The following COL19A1 variants were observed in gnomAD, a reference collection of about 807,000 sequenced individuals.
COL19A1 encodes the protein collagen alpha-1(XIX) chain.
COL19A1 carries 159 observed loss-of-function variants against 190.2 expected under a neutral mutation model. The observed-to-expected ratio is 0.84, with a 90% CI of 0.73 to 0.95. COL19A1 has a LOEUF of 0.95. COL19A1 is among the 40% of genes least tolerant of loss of function. The pLI is 0.00. For missense variants in COL19A1, 1,418 were observed against 1,431.9 expected (o/e 0.99, Z 0.16); for synonymous variants, 509 against 458.9 (o/e 1.11, Z -1.39).
intron 2 of COL19A1, among the ~76,000 whole-genome samples, chr6:69,896,101 T>G (rs1769716686): frequency 6.6e-6 from 1 of 152,128 alleles, no homozygotes; most frequent in Non-Finnish European, 1.5e-5. Flanking sequence ...GAAGAGGTTT[T>G]GTTGCTCCAC....
chr6:70,180,227 A>G lies in COL19A1; in HGVS notation c.2668-85A>G, dbSNP rs1051738965. 1.5e-5 allele frequency: 23 copies of G among 1,499,526 alleles called. 1 individual carries two copies. The African/African-American group carries it at 2.9e-4, about 19-fold the overall frequency. 92.9% of individuals were successfully genotyped at this position (1,499,526 alleles called of 1,614,324 possible). On this transcript the variant is annotated intron_variant, in intron 42 of 50. Transcript: ENST00000620364. ...AGCATCACCCTTGGGAGCACTATAAACTCAATTGGGGTTGGGGGAAGAGAA... is the reference window on the plus strand; with the variant it reads ...AGCATCACCCTTGGGAGCACTATAAGCTCAATTGGGGTTGGGGGAAGAGAA...
chr6:70,070,693 C>A (rs116925309), intron 15 of COL19A1, among the ~76,000 whole-genome samples: 75 of 152,184 alleles, frequency 4.9e-4, no homozygotes, highest in Non-Finnish European at 8.4e-4. Context: ...AACTGAGTGC[C>A]ACCATTTCTT....
At chr6:69,882,070 T>TAATTGAATATTG (rs1768597114) in intron 2 of COL19A1, among the ~76,000 whole-genome samples, 1 of 152,324 alleles carries the variant, frequency 6.6e-6, no homozygotes, top group East Asian at 1.9e-4. Context: ...AGTCTAGGGT[T>TAATTGAATATTG]TCAGGGCTGG....
intron 16 of COL19A1, among the ~76,000 whole-genome samples, chr6:70,116,747 G>A (rs2150206225): frequency 1.3e-5 from 2 of 152,074 alleles, no homozygotes; most frequent in South Asian, 4.1e-4. Flanking sequence ...TTAGTCCAAA[G>A]GACTTTCCAA....
intron 42 of COL19A1, among the ~76,000 whole-genome samples, chr6:70,177,793 T>A (rs1436665447): frequency 2.0e-5 from 3 of 152,218 alleles, no homozygotes; most frequent in African/African-American, 7.2e-5. Flanking sequence ...GTGATTTGAA[T>A]TTTTGTTTCC....
chr6:70,151,557 C>T, intron 31 of COL19A1, 119 bp downstream of exon 31: 2 of 861,146 alleles, frequency 2.3e-6, no homozygotes, highest in South Asian at 1.5e-5. Context: ...TTTTAAATGG[C>T]AGGACATCTT....
chr6:69,884,432 A>T (rs1470093737), intron 2 of COL19A1, among the ~76,000 whole-genome samples: 1 of 152,222 alleles, frequency 6.6e-6, no homozygotes, highest in Non-Finnish European at 1.5e-5. Flanking sequence ...TAGCAATACA[A>T]TAGGAGGTCA....
rs780786675 is a variant in COL19A1, at chr6:69,929,639, C to T, written c.605C>T (p.Thr202Ile). 2.5e-6 allele frequency: 4 copies of T among 1,613,798 alleles called. No individual in the cohort carries two copies. In the South Asian group the frequency reaches 3.3e-5, roughly 13 times the overall value. ...IARRQTDEKD[T>I]VDFHGRTVIA... ...AGGAGGCAGACTGATGAAAAGGACACTGTGGATTTCCATGGACGGACAGTT... is the reference window on the plus strand; with the variant it reads ...AGGAGGCAGACTGATGAAAAGGACATTGTGGATTTCCATGGACGGACAGTT... Residue 202 changes from threonine (T) to isoleucine (I), a missense_variant, in exon 6 of 51, where the codon ACT (threonine) becomes ATT (isoleucine). By Grantham distance (89) the Thr-to-Ile change is moderately conservative. Coordinates refer to ENST00000620364, the MANE Select transcript of COL19A1 (RefSeq NM_001858.6).
chr6:70,052,169 G>C (rs1254412836), intron 14 of COL19A1, among the ~76,000 whole-genome samples: 6 of 152,118 alleles, frequency 3.9e-5, no homozygotes, highest in Non-Finnish European at 8.8e-5. Flanking sequence ...AGGATACTGA[G>C]CTAACAGTGT....
At position 69,929,503 on chromosome 6, in the gene COL19A1, AT is replaced by A. The variant is rs1772611824; in HGVS notation, c.474del (p.Phe158LeufsTer34). 1 of 1,613,936 alleles carries A rather than the reference AT, an allele frequency of 6.2e-7. No homozygotes were observed. Among genetic ancestry groups the A allele is most frequent in the African/African-American group, 1.3e-5 (1 of 74,918 alleles). ...QATEGDVLNYIFRNRELRPLF... is the reference protein window; with the variant it reads ...QATEGDVLNYXFRNRELRPLF... ...CACAGAGGGAGATGTGTTGAACTAC[AT>A]TTTTAGAAATCGAGAACTCCGTCCT... On this transcript the variant is annotated frameshift_variant, in exon 6 of 51. Transcript: ENST00000620364. LOFTEE classifies it high-confidence loss of function.
At chr6:69,931,791 G>A (rs948878503) in intron 6 of COL19A1, among the ~76,000 whole-genome samples, 6 of 152,102 alleles carry the variant, frequency 3.9e-5, no homozygotes, top group East Asian at 1.9e-4. Context: ...AGTTGTTAAC[G>A]CATTCTATGA....
chr6:70,075,814 ATAATACTTATATCAATAG>A (rs1781850849), intron 15 of COL19A1, among the ~76,000 whole-genome samples: 2 of 152,224 alleles, frequency 1.3e-5, no homozygotes, highest in Admixed American at 6.5e-5. Flanking sequence ...TTTTGTTCCA[ATAATACTTATATCAATAG>A]TAAAGCAACA....
At chr6:69,948,126 A>G (rs1773927048) in intron 9 of COL19A1, among the ~76,000 whole-genome samples, 1 of 151,880 alleles carries the variant, frequency 6.6e-6, no homozygotes, top group Non-Finnish European at 1.5e-5. Context: ...ATCTTTTTCT[A>G]AAATGCATCA....
intron 11 of COL19A1, among the ~76,000 whole-genome samples, chr6:69,989,648 G>T (rs1265866075): frequency 6.6e-6 from 1 of 150,450 alleles, no homozygotes; most frequent in Non-Finnish European, 1.5e-5. Flanking sequence ...CCCAGGGAAG[G>T]CAAAAGATTG....
intron 2 of COL19A1, among the ~76,000 whole-genome samples, chr6:69,896,624 T>A: frequency 6.7e-6 from 1 of 149,830 alleles, no homozygotes; most frequent in African/African-American, 2.5e-5. Flanking sequence ...ACAAGCAATG[T>A]AGAATAGTTT....
At chr6:70,184,783 A>G in intron 45 of COL19A1, 45 bp downstream of exon 45, 1 of 1,603,966 alleles carries the variant, frequency 6.2e-7, no homozygotes, top group Non-Finnish European at 8.5e-7. Flanking sequence ...TGCATACTGC[A>G]TCCAGAATAC....
intron 12 of COL19A1, among the ~76,000 whole-genome samples, chr6:70,032,784 C>T (rs2150114890): frequency 6.6e-6 from 1 of 152,116 alleles, no homozygotes; most frequent in South Asian, 2.1e-4. Flanking sequence ...CAACTTCACA[C>T]AAGGTATATA....
At position 69,898,823 on chromosome 6, in the gene COL19A1, T is replaced by G. The variant is rs1769966071; in HGVS notation, c.92-125T>G. ...ACTGAGGTGGTTAATGTTCTTATCC[T>G]CATTTTACAGAAATTTAATAAATGG... On this transcript the variant is annotated intron_variant, in intron 2 of 50. Coordinates refer to ENST00000620364, the MANE Select transcript of COL19A1 (RefSeq NM_001858.6). 4.7e-6 allele frequency: 3 copies of G among 643,698 alleles called. No homozygotes were observed. The South Asian group carries it at 6.6e-5, about 14-fold the overall frequency. The allele number at this position is 643,698 out of a possible 1,614,324, so 39.9% of individuals were successfully genotyped here.
intron 9 of COL19A1, among the ~76,000 whole-genome samples, chr6:69,954,398 G>A (rs1008545847): frequency 3.3e-5 from 5 of 151,906 alleles, no homozygotes; most frequent in African/African-American, 9.7e-5. Context: ...TTCAGAATTC[G>A]AGGACTTAGC....
Sources: allele counts gnomAD v4.1 joint callset (sites outside exome capture counted in the v4.1 genomes callset), GRCh38; gene constraint gnomAD v4.1.1; transcripts MANE v1.5; gene names NCBI Gene and HGNC (gene_info 2026-07-23, HGNC 2026-07-21).